LRRC38: variants seen among roughly 807,000 people sequenced by gnomAD.
LRRC38 encodes the protein leucine-rich repeat-containing protein 38.
A neutral mutation model predicts 16.4 loss-of-function variants in LRRC38; 5 were observed. The observed-to-expected ratio is 0.31, with a 90% CI of 0.16 to 0.64. The LOEUF is 0.64. LRRC38 is among the 30% of genes least tolerant of loss of function. LRRC38 has a pLI of 0.80. For synonymous variants in LRRC38, 191 were observed against 190.2 expected (o/e 1.00, Z -0.04); for missense variants, 341 against 401.8 (o/e 0.85, Z 1.29).
intron 1 of LRRC38, among the ~76,000 whole-genome samples, chr1:13,508,332 C>T (rs538466088): frequency 1.3e-5 from 2 of 152,298 alleles, no homozygotes; most frequent in South Asian, 2.1e-4. Flanking sequence ...TAAGGATATT[C>T]GGCTCAGCAC....
At chr1:13,495,502 G>C (rs1218869568) in intron 1 of LRRC38, among the ~76,000 whole-genome samples, 1 of 151,942 alleles carries the variant, frequency 6.6e-6, no homozygotes, top group Non-Finnish European at 1.5e-5. Flanking sequence ...GAGGGAAGAG[G>C]AGTGACTGCT....
intron 1 of LRRC38, among the ~76,000 whole-genome samples, chr1:13,510,535 C>T (rs1466283440): frequency 2.0e-5 from 3 of 151,922 alleles, no homozygotes; most frequent in East Asian, 1.9e-4. Flanking sequence ...GATGAGGAAA[C>T]GGGTACAAAA....
Position 13,488,024 on chromosome 1 carries a change from GTGTGTGTT to G in LRRC38, c.632-11933_632-11926del, listed in dbSNP as rs1179192679. Among the ~76,000 whole-genome samples the G allele has an allele frequency of 5.7e-3, 676 of 118,992 alleles. 8 individuals are homozygous for G. Among genetic ancestry groups the G allele is most frequent in the African/African-American group, 0.02 (642 of 31,512 alleles). 78.1% of individuals were successfully genotyped at this position (118,992 alleles called of 152,430 possible). ...ACTTGGCTTATACCTTTTCTAGATT[GTGTGTGTT>G]TGTGTGTGTGTGTGTGTGTGTGTGT... is the stretch of plus-strand genomic sequence containing the variant. On this transcript the variant is annotated intron_variant, in intron 1 of 1. Transcript: ENST00000376085.
intron 1 of LRRC38, among the ~76,000 whole-genome samples, chr1:13,502,231 G>T (rs536160086): frequency 6.6e-6 from 1 of 151,356 alleles, no homozygotes; most frequent in East Asian, 1.9e-4. Flanking sequence ...GTGAGCCACC[G>T]CACCCGGCCA....
At chr1:13,501,945 G>A (rs1639155909) in intron 1 of LRRC38, among the ~76,000 whole-genome samples, 1 of 149,062 alleles carries the variant, frequency 6.7e-6, no homozygotes. Flanking sequence ...TTTTTTGGTG[G>A]GGGATGGAGT....
At chr1:13,486,624 T>C (rs1184891262) in intron 1 of LRRC38, among the ~76,000 whole-genome samples, 1 of 139,316 alleles carries the variant, frequency 7.2e-6, no homozygotes, top group Non-Finnish European at 1.5e-5. Context: ...AAGGTCTCAC[T>C]CTATCACCCA....
In LRRC38 at chr1:13,513,104, G is replaced by A. The variant is rs1639293562; in HGVS notation, c.490C>T (p.Leu164=). Reference sequence around the variant, plus strand: ...AGGGCGGCCACGCTGAGGCTGCGCAGGTTGTTGTCGTTGAGCTCCAGCACC... The same window carrying A: ...AGGGCGGCCACGCTGAGGCTGCGCAAGTTGTTGTCGTTGAGCTCCAGCACC... ...LQVLELNDNN[L]RSLSVAALAA... The change falls in exon 1 of 2, where the codon CTG becomes TTG. Residue 164 remains leucine, a synonymous_variant. Transcript: ENST00000376085. 1.9e-6 allele frequency: 3 copies of A among 1,550,386 alleles called. No homozygotes were observed. Among genetic ancestry groups the A allele is most frequent in the Middle Eastern group, 1.7e-4 (1 of 5,992 alleles).
intron 1 of LRRC38, among the ~76,000 whole-genome samples, chr1:13,483,408 C>T (rs954408807): frequency 6.6e-6 from 1 of 152,184 alleles, no homozygotes; most frequent in Non-Finnish European, 1.5e-5. Context: ...CTCGGCCTCC[C>T]GAAGTGCTGG....
In LRRC38 at chr1:13,506,201, T is replaced by C. The variant is rs547473444; in HGVS notation, c.631+6762A>G. Among the ~76,000 whole-genome samples, 14 of 150,928 alleles carry C rather than the reference T, an allele frequency of 9.3e-5. No individual in the cohort carries two copies. The South Asian group carries it at 3.0e-3, about 32-fold the overall frequency. ...AAGAGGTGGAGCATGGAAGGTTAAGTGGGAACCAGAAGGGTAAAGAAGTCA... is the reference window on the plus strand; with the variant it reads ...AAGAGGTGGAGCATGGAAGGTTAAGCGGGAACCAGAAGGGTAAAGAAGTCA... On this transcript the variant is annotated intron_variant, in intron 1 of 1. Coordinates refer to ENST00000376085, the MANE Select transcript of LRRC38 (RefSeq NM_001010847.2).
intron 1 of LRRC38, among the ~76,000 whole-genome samples, chr1:13,502,013 C>T (rs1639156855): frequency 6.6e-6 from 1 of 151,992 alleles, no homozygotes; most frequent in Non-Finnish European, 1.5e-5. Flanking sequence ...CTGCAAGCCC[C>T]ACCTCCTGGG....
At position 13,509,640 on chromosome 1, in the gene LRRC38, A is replaced by AG. The variant is rs1476653020; in HGVS notation, c.631+3322dup. Among the ~76,000 whole-genome samples, 13 of 152,272 alleles carry AG rather than the reference A, an allele frequency of 8.5e-5. No homozygotes were observed. In the East Asian group the frequency reaches 2.5e-3, roughly 29 times the overall value. On this transcript the variant is annotated intron_variant, in intron 1 of 1. Coordinates refer to ENST00000376085, the MANE Select transcript of LRRC38 (RefSeq NM_001010847.2). Reference sequence around the variant, plus strand: ...ACTACAGCCCCCTGAATTCCAGCAGAGGGGTCTTTGGAGGTCACGTGCCTC... The same window carrying AG: ...ACTACAGCCCCCTGAATTCCAGCAGAGGGGGTCTTTGGAGGTCACGTGCCTC...
At chr1:13,480,946 C>T (rs190975245) in intron 1 of LRRC38, among the ~76,000 whole-genome samples, 1 of 152,298 alleles carries the variant, frequency 6.6e-6, no homozygotes, top group African/African-American at 2.4e-5. Flanking sequence ...GCGTGAGCCA[C>T]CAGGCCCAGC....
chr1:13,476,365 G>A (rs1569904797), intron 1 of LRRC38, among the ~76,000 whole-genome samples: 3 of 151,976 alleles, frequency 2.0e-5, no homozygotes, highest in Non-Finnish European at 4.4e-5. Context: ...TTGAGACGGA[G>A]TCTCTGTTGC....
chr1:13,478,060 A>G (rs1001320694), intron 1 of LRRC38, among the ~76,000 whole-genome samples: 3 of 152,206 alleles, frequency 2.0e-5, no homozygotes, highest in Non-Finnish European at 4.4e-5. Flanking sequence ...CAGAGCTGCT[A>G]AAGACTGTTT....
intron 1 of LRRC38, among the ~76,000 whole-genome samples, chr1:13,492,425 G>T (rs1236913789): frequency 2.0e-5 from 3 of 152,134 alleles, no homozygotes; most frequent in African/African-American, 7.2e-5. Context: ...TTTTGGCCGG[G>T]TGCGGTGGCT....
chr1:13,483,874 A>G (rs1281663475), intron 1 of LRRC38, among the ~76,000 whole-genome samples: 2 of 136,726 alleles, frequency 1.5e-5, no homozygotes, highest in African/African-American at 5.6e-5. Flanking sequence ...ATATATGAGA[A>G]GGGTGCCCAT....
intron 1 of LRRC38, among the ~76,000 whole-genome samples, chr1:13,490,439 G>A (rs994244823): frequency 1.3e-4 from 20 of 152,112 alleles, no homozygotes; most frequent in Non-Finnish European, 2.2e-4. Flanking sequence ...GATTACAGGC[G>A]TGAGCCACTG....
chr1:13,507,270 C>G (rs1485772514), intron 1 of LRRC38, among the ~76,000 whole-genome samples: 1 of 152,122 alleles, frequency 6.6e-6, no homozygotes, highest in African/African-American at 2.4e-5. Flanking sequence ...AAAGGTGACA[C>G]CCCAGTGACT....
intron 1 of LRRC38, among the ~76,000 whole-genome samples, chr1:13,495,450 G>A (rs760147666): frequency 5.3e-5 from 8 of 151,380 alleles, no homozygotes; most frequent in Non-Finnish European, 8.8e-5. Context: ...TAAGGGCTCC[G>A]TCTATTTAGG....
Sources: gnomAD v4.1 joint callset for allele counts (sites outside exome capture counted in the v4.1 genomes callset) on GRCh38, gnomAD v4.1.1 for gene constraint, MANE v1.5 for transcripts, NCBI Gene and HGNC (gene_info 2026-07-23, HGNC 2026-07-21) for gene names.